The following ASCC2 variants were observed in gnomAD, a reference collection of about 807,000 sequenced individuals.
ASCC2 encodes activating signal cointegrator 1 complex subunit 2.
In ASCC2, 42 loss-of-function variants were observed where a neutral mutation model predicts 93.5. The observed-to-expected ratio is 0.45, with a 90% CI of 0.35 to 0.58. The LOEUF is 0.58. Among genes scored for constraint, ASCC2 ranks in the 20% least tolerant of loss-of-function variants. The pLI is 0.00. For missense variants in ASCC2, 859 were observed against 977.6 expected (o/e 0.88, Z 1.62); for synonymous variants, 364 against 384.2 (o/e 0.95, Z 0.62).
chr22:29,815,821 G>C (rs1267046836), intron 6 of ASCC2, among the ~76,000 whole-genome samples, 185 bp downstream of exon 6: 1 of 152,146 alleles, frequency 6.6e-6, no homozygotes, highest in East Asian at 1.9e-4. Flanking sequence ...TTGTTCAAAA[G>C]GGAAAACGGC....
In ASCC2 at chr22:29,811,624, C is replaced by T. The variant is rs1042613446; in HGVS notation, c.833+1806G>A. 3.3e-5 allele frequency among the ~76,000 whole-genome samples: 5 copies of T among 152,304 alleles called. No individual in the cohort carries two copies. The East Asian group carries it at 9.6e-4, about 29-fold the overall frequency. ...CCAGCACAGTTGGAGGCTGGGTCAG[C>T]CCCAGGGTGTTCGTGGGTCAAAGGC... is the stretch of plus-strand genomic sequence containing the variant. On this transcript the variant is annotated intron_variant, in intron 8 of 19. Transcript: ENST00000307790.
rs1474099140 is a variant in ASCC2 at position 29,838,225 on chromosome 22, G to C, written c.-65C>G. ...CTGTGCCGCCGCCGCCGCCGCCGCC[G>C]CCGACCACGGTGACAGCTCCCTGAG... On this transcript the variant is annotated 5_prime_UTR_variant, in exon 1 of 20. Transcript: ENST00000307790. 2.1e-6 allele frequency: 1 copy of C among 467,280 alleles called. No individual in the cohort carries two copies. Among genetic ancestry groups the C allele is most frequent in the African/African-American group, 2.0e-5 (1 of 50,080 alleles). The allele number at this position is 467,280 out of a possible 1,614,324, so 28.9% of individuals were successfully genotyped here.
chr22:29,824,008 T>C (rs1163093302), intron 4 of ASCC2, among the ~76,000 whole-genome samples: 3 of 151,810 alleles, frequency 2.0e-5, no homozygotes, highest in African/African-American at 7.3e-5. Flanking sequence ...CAGGGCAAAA[T>C]AGCAAGATGC....
intron 15 of ASCC2, among the ~76,000 whole-genome samples, chr22:29,798,848 T>C (rs1001144795): frequency 9.2e-5 from 14 of 152,198 alleles, no homozygotes; most frequent in African/African-American, 1.7e-4. Context: ...TGCTACTAAA[T>C]CTCTTAATAA....
intron 5 of ASCC2, among the ~76,000 whole-genome samples, chr22:29,821,076 C>G (rs2061500918): frequency 6.6e-6 from 1 of 152,192 alleles, no homozygotes; most frequent in African/African-American, 2.4e-5. Flanking sequence ...AGGCCCAGCT[C>G]CATGAGCTAC....
At chr22:29,807,032 G>A in intron 9 of ASCC2, 128 bp from the exon 10 acceptor site, 1 of 670,596 alleles carries the variant, frequency 1.5e-6, no homozygotes, top group Non-Finnish European at 2.5e-6. Flanking sequence ...TGAGCCCCAG[G>A]AGTTTGAGAC....
At chr22:29,833,395 C>T (rs1366579908) in intron 1 of ASCC2, 11 of 339,182 alleles carry the variant, frequency 3.2e-5, no homozygotes, top group Non-Finnish European at 5.8e-5. Flanking sequence ...GGAAGAAGTA[C>T]GTGGAAGAAT....
intron 8 of ASCC2, among the ~76,000 whole-genome samples, chr22:29,809,141 A>AT (rs1556206415): frequency 0.021 from 2,964 of 141,626 alleles, 176 homozygotes; most frequent in African/African-American, 0.066. Context: ...AAAAAAAAAA[A>AT]TTTAACATGA....
At chr22:29,823,259 G>A (rs1421845885) in intron 4 of ASCC2, among the ~76,000 whole-genome samples, 1 of 151,784 alleles carries the variant, frequency 6.6e-6, no homozygotes, top group African/African-American at 2.4e-5. Context: ...CGCTGGTCTC[G>A]AACTCCTGAC....
intron 4 of ASCC2, among the ~76,000 whole-genome samples, chr22:29,824,829 A>C (rs184351437): frequency 3.3e-5 from 5 of 152,316 alleles, no homozygotes; most frequent in Admixed American, 2.0e-4. Flanking sequence ...CTGACGCACA[A>C]GTCAAGGCAG....
intron 15 of ASCC2, among the ~76,000 whole-genome samples, chr22:29,799,734 G>T (rs541874442): frequency 3.9e-5 from 6 of 152,204 alleles, no homozygotes; most frequent in African/African-American, 1.4e-4. Context: ...TCTTTACCAT[G>T]ACATCCAACT....
In ASCC2 at chr22:29,804,697, C is replaced by T. The variant is rs1360755784; in HGVS notation, c.1294G>A (p.Val432Met). 1 of 1,614,178 alleles carries T rather than the reference C, an allele frequency of 6.2e-7. No individual in the cohort carries two copies. The highest frequency in any genetic ancestry group is 8.5e-7 in the Non-Finnish European group (1 of 1,180,032). Residue 432 changes from valine (V) to methionine (M), a missense_variant, in exon 13 of 20, where the codon GTG becomes ATG. Val to Met is a conservative substitution (Grantham distance 21). Transcript: ENST00000307790. ...GCTTGACTGACTGCCTCTGCTGTCA[C>T]CGTGACCCCGTTAGGCTCCCCATTA... Reference protein sequence around the residue: ...EPNGEPNGVTVTAEAVSQASS... With the variant: ...EPNGEPNGVTMTAEAVSQASS...
In ASCC2 at chr22:29,789,093, C is replaced by T. The variant is rs558636205; in HGVS notation, c.2194G>A (p.Ala732Thr). Residue 732 changes from alanine (A) to threonine (T), a missense_variant, in exon 20 of 20, where the codon GCC becomes ACC. Ala to Thr is a moderately conservative substitution (Grantham distance 58, BLOSUM62 0). Coordinates refer to ENST00000307790, the MANE Select transcript of ASCC2 (RefSeq NM_032204.5). Reference sequence around the variant, plus strand: ...TGGTTGGCTCTTGTCGCCTTGTTGGCTTCCTTCTTCCTGCGTTCCTGGGTT... The same window carrying T: ...TGGTTGGCTCTTGTCGCCTTGTTGGTTTCCTTCTTCCTGCGTTCCTGGGTT... ...ETTQERRKKE[A>T]NKATRANHNR... 41 of 1,614,194 alleles carry T rather than the reference C, an allele frequency of 2.5e-5. No homozygotes were observed. The South Asian group carries it at 4.3e-4, about 17-fold the overall frequency.
At chr22:29,814,379 A>G (rs977128331) in intron 7 of ASCC2, among the ~76,000 whole-genome samples, 1 of 152,268 alleles carries the variant, frequency 6.6e-6, no homozygotes, top group Admixed American at 6.5e-5. Context: ...ACAAGTGAAC[A>G]TGTCAAACTG....
At position 29,806,493 on chromosome 22, in the gene ASCC2, C is replaced by G; in HGVS notation, c.1077G>C (p.Gln359His). 1 of 1,614,020 alleles carries G rather than the reference C, an allele frequency of 6.2e-7. No individual in the cohort carries two copies. The highest frequency in any genetic ancestry group is 8.5e-7 in the Non-Finnish European group (1 of 1,179,962). Residue 359 changes from glutamine to histidine, a missense_variant, in exon 11 of 20, where the codon CAG becomes CAC. Coordinates refer to ENST00000307790, the MANE Select transcript of ASCC2 (RefSeq NM_032204.5). Reference sequence around the variant, plus strand: ...AGCTCAGCCACACTCACCTCTTCTCCTGCAGCAAGGAGCTGAAGATCTGAA... The same window carrying G: ...AGCTCAGCCACACTCACCTCTTCTCGTGCAGCAAGGAGCTGAAGATCTGAA... ...EFLQIFSSLLQEKRFLRDYDA... is the reference protein window; with the variant it reads ...EFLQIFSSLLHEKRFLRDYDA...
chr22:29,831,954 T>G (rs1411641871), intron 2 of ASCC2, among the ~76,000 whole-genome samples: 1 of 152,170 alleles, frequency 6.6e-6, no homozygotes, highest in Non-Finnish European at 1.5e-5. Context: ...TGGATCCATT[T>G]CTAGCCCGAT....
At chr22:29,802,771 T>C (rs1470696042) in intron 13 of ASCC2, among the ~76,000 whole-genome samples, 6 of 148,116 alleles carry the variant, frequency 4.1e-5, no homozygotes, top group African/African-American at 1.0e-4. Flanking sequence ...AGTGAAACCC[T>C]GTCTCTACTA....
In ASCC2 at chr22:29,808,969, A is replaced by T. The variant is rs575429755; in HGVS notation, c.834-784T>A. 3.9e-3 allele frequency among the ~76,000 whole-genome samples: 596 copies of T among 151,910 alleles called. 1 individual carries two copies. Among genetic ancestry groups the T allele is most frequent in the Non-Finnish European group, 7.1e-3 (480 of 67,982 alleles). ...GCCCCGTCTCTACTAAAAATACAAA[A>T]ATTAGCCAGAAGTGGTGGTGCACGC... On this transcript the variant is annotated intron_variant, in intron 8 of 19. Coordinates refer to ENST00000307790, the MANE Select transcript of ASCC2 (RefSeq NM_032204.5).
chr22:29,800,844 T>G, intron 15 of ASCC2, 147 bp downstream of exon 15: 1 of 942,736 alleles, frequency 1.1e-6, no homozygotes. Flanking sequence ...TCCTAACCAC[T>G]GGGGGTGCAC....
Sources: allele counts gnomAD v4.1 joint callset (sites outside exome capture counted in the v4.1 genomes callset), GRCh38; gene constraint gnomAD v4.1.1; transcripts MANE v1.5; gene names NCBI Gene and HGNC (gene_info 2026-07-23, HGNC 2026-07-21).